GALNTL6: variants seen among roughly 807,000 people sequenced by gnomAD.
The protein encoded by GALNTL6 is polypeptide N-acetylgalactosaminyltransferase like 6, also known as polypeptide N-acetylgalactosaminyltransferase-like 6.
GALNTL6 carries 46 observed loss-of-function variants against 73.7 expected under a neutral mutation model. That is an observed-to-expected ratio of 0.62 (90% CI 0.49 to 0.80). GALNTL6 has a LOEUF of 0.80. Ranked by LOEUF, GALNTL6 falls within the 30% of genes least tolerant of loss-of-function variation. GALNTL6 has a pLI of 0.00. For synonymous variants in GALNTL6, 259 were observed against 263.7 expected, an observed-to-expected ratio of 0.98 and a Z score of 0.17; for missense variants, 604 against 755.0, an observed-to-expected ratio of 0.80 and a Z score of 2.34.
At chr4:172,465,488 A>AAAAAAG (rs1194943829) in intron 5 of GALNTL6, among the ~76,000 whole-genome samples, 1 of 152,104 alleles carries the variant, frequency 6.6e-6, no homozygotes, top group Non-Finnish European at 1.5e-5. Flanking sequence ...AAAAAAGAAA[A>AAAAAAG]AAAAAGAAAA....
At chr4:172,220,990 TA>T (rs1736654315) in intron 2 of GALNTL6, among the ~76,000 whole-genome samples, 1 of 151,878 alleles carries the variant, frequency 6.6e-6, no homozygotes, top group Admixed American at 6.6e-5. Flanking sequence ...GCCATGCTAT[TA>T]TCCAATCATT....
intron 5 of GALNTL6, among the ~76,000 whole-genome samples, chr4:172,796,284 C>A (rs150058203): frequency 6.6e-6 from 1 of 152,110 alleles, no homozygotes. Context: ...TAGTCACTGG[C>A]GTTTATTGAG....
chr4:172,992,780 T>C (rs1579753949), intron 10 of GALNTL6, among the ~76,000 whole-genome samples: 1 of 152,332 alleles, frequency 6.6e-6, no homozygotes, highest in Non-Finnish European at 1.5e-5. Flanking sequence ...GGCCTTTGGC[T>C]GCATGACTCC....
At chr4:171,974,515 G>T (rs332968) in intron 2 of GALNTL6, among the ~76,000 whole-genome samples, 61,326 of 151,580 alleles carry the variant, frequency 0.4, 12,865 homozygotes, top group Middle Eastern at 0.55. Flanking sequence ...CTAATGATAA[G>T]GTTATTTATA....
At chr4:172,862,325 T>C (rs1744435471) in intron 7 of GALNTL6, among the ~76,000 whole-genome samples, 1 of 152,138 alleles carries the variant, frequency 6.6e-6, no homozygotes, top group Non-Finnish European at 1.5e-5. Flanking sequence ...CTGTGGAACT[T>C]TGAACTTGAG....
At chr4:172,734,387 C>A (rs1275705027) in intron 5 of GALNTL6, among the ~76,000 whole-genome samples, 2 of 152,086 alleles carry the variant, frequency 1.3e-5, no homozygotes, top group African/African-American at 2.4e-5. Context: ...ATGTCAGAGA[C>A]CTTCACTGCA....
intron 2 of GALNTL6, among the ~76,000 whole-genome samples, chr4:171,907,248 A>G (rs1737314289): frequency 6.6e-6 from 1 of 152,158 alleles, no homozygotes; most frequent in South Asian, 2.1e-4. Flanking sequence ...AGAAAACCCC[A>G]TTGTCTCAGC....
intron 2 of GALNTL6, among the ~76,000 whole-genome samples, chr4:172,056,552 C>T (rs1459772376): frequency 6.6e-6 from 1 of 152,022 alleles, no homozygotes; most frequent in Non-Finnish European, 1.5e-5. Flanking sequence ...ACAGAATACA[C>T]AATGTTTTAA....
At chr4:172,116,705 A>T (rs1237738833) in intron 2 of GALNTL6, among the ~76,000 whole-genome samples, 2 of 152,220 alleles carry the variant, frequency 1.3e-5, no homozygotes. Context: ...AATAACTCCC[A>T]GTTACAATGC....
At chr4:172,716,638 C>T (rs9312528) in intron 5 of GALNTL6, among the ~76,000 whole-genome samples, 54,930 of 151,934 alleles carry the variant, frequency 0.36, 10,991 homozygotes, top group African/African-American at 0.52. Flanking sequence ...ATTTTCTGAA[C>T]GCTTAACCTT....
At chr4:172,713,392 C>T (rs571652754) in intron 5 of GALNTL6, among the ~76,000 whole-genome samples, 1 of 151,928 alleles carries the variant, frequency 6.6e-6, no homozygotes, top group African/African-American at 2.4e-5. Context: ...TGTTGTGGTT[C>T]AAGTCCAAAG....
chr4:172,900,202 T>C (rs1009125268), intron 8 of GALNTL6, among the ~76,000 whole-genome samples: 1 of 152,224 alleles, frequency 6.6e-6, no homozygotes, highest in Non-Finnish European at 1.5e-5. Flanking sequence ...TTTAAAATCA[T>C]AACTTTAAAA....
rs113715035 is a variant in GALNTL6 at position 172,914,826 on chromosome 4, A to G, written c.1042-16335A>G. On this transcript the variant is annotated intron_variant, in intron 8 of 12. Transcript: ENST00000506823. ...GAGACTTTAACACCCCACTGTCAAC[A>G]TTAGACAGATTAACGAGACAGAAAG... 4.1e-3 allele frequency among the ~76,000 whole-genome samples: 619 copies of G among 152,334 alleles called. 6 individuals carry two copies. Among genetic ancestry groups the G allele is most frequent in the African/African-American group, 0.014 (584 of 41,584 alleles).
chr4:172,427,910 C>T (rs1312189366), intron 5 of GALNTL6, among the ~76,000 whole-genome samples: 2 of 152,114 alleles, frequency 1.3e-5, no homozygotes, highest in East Asian at 3.9e-4. Flanking sequence ...AGATATTTTA[C>T]TGTCTATCAA....
At chr4:172,626,159 A>G (rs551868205) in intron 5 of GALNTL6, among the ~76,000 whole-genome samples, 3 of 152,218 alleles carry the variant, frequency 2.0e-5, no homozygotes, top group South Asian at 2.1e-4. Flanking sequence ...GTGGTCTTAT[A>G]TTAAAATCTT....
At chr4:172,805,366 A>G (rs978197625) in intron 5 of GALNTL6, among the ~76,000 whole-genome samples, 3 of 152,216 alleles carry the variant, frequency 2.0e-5, no homozygotes, top group Admixed American at 2.0e-4. Context: ...AAACTGCTAA[A>G]TTTGGTATTC....
intron 2 of GALNTL6, among the ~76,000 whole-genome samples, chr4:171,991,137 A>T (rs76840041): frequency 0.013 from 2,030 of 152,282 alleles, 23 homozygotes; most frequent in African/African-American, 0.031. Context: ...AACAATCAAG[A>T]TACGTAATTA....
At chr4:172,972,780 C>T (rs1034642692) in intron 10 of GALNTL6, among the ~76,000 whole-genome samples, 40 of 151,908 alleles carry the variant, frequency 2.6e-4, no homozygotes, top group African/African-American at 9.2e-4. Context: ...ATCCCACTTG[C>T]CATAGATGAG....
At chr4:171,971,074 A>T (rs1739555616) in intron 2 of GALNTL6, among the ~76,000 whole-genome samples, 1 of 152,228 alleles carries the variant, frequency 6.6e-6, no homozygotes, top group African/African-American at 2.4e-5. Flanking sequence ...TGCAGCTCTT[A>T]CTTCTTGGTA....
Sources: gnomAD v4.1 joint callset for allele counts (sites outside exome capture counted in the v4.1 genomes callset) on GRCh38, gnomAD v4.1.1 for gene constraint, MANE v1.5 for transcripts, NCBI Gene and HGNC (gene_info 2026-07-23, HGNC 2026-07-21) for gene names.